GARRE1: variants seen among roughly 807,000 people sequenced by gnomAD.
The protein encoded by GARRE1 is granule associated Rac and RHOG effector 1.
A neutral mutation model predicts 103.2 loss-of-function variants in GARRE1; 49 were observed. That is an observed-to-expected ratio of 0.47 (90% CI 0.38 to 0.60). GARRE1 has a LOEUF of 0.60. Ranked by LOEUF, GARRE1 falls within the 20% of genes least tolerant of loss-of-function variation. The probability of loss-of-function intolerance (pLI) is 0.00; values close to 1 mark genes in which losing one functional copy is unlikely to be tolerated. For synonymous variants in GARRE1, 505 were observed against 532.8 expected (o/e 0.95, Z 0.72); for missense variants, 1,199 against 1,370.5 (o/e 0.87, Z 1.98).
At position 34,342,268 on chromosome 19, in the gene GARRE1, G is replaced by A; in HGVS notation, c.2334G>A (p.Trp778Ter). The change falls in exon 10 of 14, where the codon TGG becomes TGA. Residue 778 changes from tryptophan to a stop codon, truncating the protein, a stop_gained. Transcript: ENST00000299505. LOFTEE classifies it high-confidence loss of function. ...CAGGTCTGTCTCCTCTTGGTCAGTG[G>A]CCTGGCATATCTGATCTCAGTTCTG... is the stretch of plus-strand genomic sequence containing the variant. ...VGAGLSPLGQ[W>*]PGISDLSSDL... 6.2e-7 allele frequency: 1 copy of A among 1,614,228 alleles called. No individual in the cohort carries two copies. The highest frequency in any genetic ancestry group is 8.5e-7 in the Non-Finnish European group (1 of 1,180,040).
chr19:34,320,863 C>T (rs2074084246), intron 3 of GARRE1, among the ~76,000 whole-genome samples: 1 of 150,340 alleles, frequency 6.7e-6, no homozygotes, highest in South Asian at 2.1e-4. Flanking sequence ...GCTGGGACTA[C>T]AGGCTCATGC....
intron 1 of GARRE1, 38 bp downstream of exon 1, chr19:34,254,652 C>T (rs1288038152): frequency 4.0e-5 from 2 of 49,640 alleles, no homozygotes; most frequent in Non-Finnish European, 8.7e-5. Context: ...CGGGGGCTGG[C>T]GGGCGGGGTC....
At chr19:34,347,116 TCTCA>T (rs2074215015) in intron 10 of GARRE1, among the ~76,000 whole-genome samples, 1 of 146,886 alleles carries the variant, frequency 6.8e-6, no homozygotes. Context: ...TGAGACAGAG[TCTCA>T]CTCTTTCGCC....
At chr19:34,295,547 C>A (rs991148124) in intron 1 of GARRE1, among the ~76,000 whole-genome samples, 1 of 82,326 alleles carries the variant, frequency 1.2e-5, no homozygotes, top group Non-Finnish European at 2.8e-5. Flanking sequence ...GTTTTGTTTT[C>A]GAGACAGGGT....
chr19:34,285,967 T>C (rs2073883662), intron 1 of GARRE1, among the ~76,000 whole-genome samples: 1 of 152,192 alleles, frequency 6.6e-6, no homozygotes, highest in Non-Finnish European at 1.5e-5. Flanking sequence ...ACTTGAGCAG[T>C]CTTGTTAGAA....
At chr19:34,329,568 G>A (rs951240040) in intron 6 of GARRE1, among the ~76,000 whole-genome samples, 3 of 152,170 alleles carry the variant, frequency 2.0e-5, no homozygotes. Context: ...AGGCGTGGTG[G>A]CTCATGCCTG....
At chr19:34,286,031 T>G (rs1021062300) in intron 1 of GARRE1, among the ~76,000 whole-genome samples, 3 of 152,172 alleles carry the variant, frequency 2.0e-5, no homozygotes, top group Non-Finnish European at 4.4e-5. Flanking sequence ...AGCCCCTTGG[T>G]TCTCAGAAAA....
chr19:34,341,315 TGA>T, intron 9 of GARRE1, 105 bp from the exon 10 acceptor site: 3 of 896,322 alleles, frequency 3.3e-6, no homozygotes, highest in Non-Finnish European at 5.2e-6. Context: ...GATACCAACC[TGA>T]GAGGTTTTTC....
At chr19:34,266,622 G>A (rs1341559533) in intron 1 of GARRE1, among the ~76,000 whole-genome samples, 3 of 152,184 alleles carry the variant, frequency 2.0e-5, no homozygotes, top group African/African-American at 7.2e-5. Context: ...GGAATTACAG[G>A]TGTGAGCCAT....
chr19:34,327,522 G>A lies in GARRE1; in HGVS notation c.807G>A (p.Gln269=), dbSNP rs777832315. ...CSQSAAIPEH[Q]LKELNIKIDS... is the part of the protein sequence containing the mutation. ...AAAGTGCAGCAATTCCTGAGCACCAGCTAAAAGAACTGAACATAAAAATCG... is the reference window on the plus strand; with the variant it reads ...AAAGTGCAGCAATTCCTGAGCACCAACTAAAAGAACTGAACATAAAAATCG... The change falls in exon 4 of 14, where the codon CAG becomes CAA. Residue 269 remains glutamine, a synonymous_variant. Transcript: ENST00000299505. 1.6e-5 allele frequency: 26 copies of A among 1,613,916 alleles called. No homozygotes were observed. The Admixed American group carries it at 4.2e-4, about 26-fold the overall frequency.
At chr19:34,329,211 G>A (rs1160358289) in intron 6 of GARRE1, among the ~76,000 whole-genome samples, 1 of 152,312 alleles carries the variant, frequency 6.6e-6, no homozygotes, top group South Asian at 2.1e-4. Context: ...GAAAGTAGAA[G>A]AGCTGGAATT....
chr19:34,352,638 G>C lies in GARRE1; in HGVS notation c.2905-9G>C, dbSNP rs2074244801. 6.2e-6 allele frequency: 10 copies of C among 1,603,894 alleles called. No individual in the cohort carries two copies. The highest frequency in any genetic ancestry group is 8.5e-6 in the Non-Finnish European group (10 of 1,171,766). ...GAAATGCCACTAAGAACTCTCTTTT[G>C]TTTCTCAGGATAACAAAACCAAAAC... is the stretch of plus-strand genomic sequence containing the variant. On this transcript the variant is annotated splice_polypyrimidine_tract_variant and intron_variant, in intron 13 of 13. Transcript: ENST00000299505.
intron 10 of GARRE1, among the ~76,000 whole-genome samples, chr19:34,344,365 C>T (rs7259326): frequency 0.22 from 33,290 of 151,076 alleles, 3,977 homozygotes; most frequent in East Asian, 0.6. Flanking sequence ...CCGAGGCGGG[C>T]GGATCACGAG....
chr19:34,328,979 T>C lies in GARRE1; in HGVS notation c.1104+828T>C, dbSNP rs150987939. Among the ~76,000 whole-genome samples the C allele has an allele frequency of 3.7e-3, 570 of 152,336 alleles. 3 individuals are homozygous for C. Among genetic ancestry groups the C allele is most frequent in the African/African-American group, 0.013 (539 of 41,578 alleles). ...TTTGAAAGTACACTATAAGATATTGTTTATGATTAATGTCTCTCAGTGGAC... is the reference window on the plus strand; with the variant it reads ...TTTGAAAGTACACTATAAGATATTGCTTATGATTAATGTCTCTCAGTGGAC... On this transcript the variant is annotated intron_variant, in intron 6 of 13. Transcript: ENST00000299505.
At chr19:34,269,494 G>A (rs964948580) in intron 1 of GARRE1, among the ~76,000 whole-genome samples, 1 of 151,960 alleles carries the variant, frequency 6.6e-6, no homozygotes, top group Non-Finnish European at 1.5e-5. Flanking sequence ...CATGGGCTTC[G>A]GATTTTGTCA....
At chr19:34,293,921 G>C (rs1198465103) in intron 1 of GARRE1, among the ~76,000 whole-genome samples, 2 of 151,424 alleles carry the variant, frequency 1.3e-5, no homozygotes, top group Non-Finnish European at 2.9e-5. Context: ...ACTACACCTG[G>C]CTTATTTTTG....
chr19:34,298,309 G>A (rs2073957992), intron 1 of GARRE1, among the ~76,000 whole-genome samples: 1 of 151,880 alleles, frequency 6.6e-6, no homozygotes, highest in Non-Finnish European at 1.5e-5. Context: ...AGCTGCTCCG[G>A]AGACTGAGGC....
intron 12 of GARRE1, among the ~76,000 whole-genome samples, chr19:34,351,129 G>A (rs2074234156): frequency 6.6e-6 from 1 of 151,068 alleles, no homozygotes; most frequent in South Asian, 2.1e-4. Context: ...AACCTGGGAT[G>A]CAGAGTTTGC....
chr19:34,310,506 A>T (rs925653060), intron 2 of GARRE1, among the ~76,000 whole-genome samples: 1 of 152,188 alleles, frequency 6.6e-6, no homozygotes, highest in Non-Finnish European at 1.5e-5. Flanking sequence ...GGAAATCAGA[A>T]ATAGCGTGAT....
Sources: allele counts gnomAD v4.1 joint callset (sites outside exome capture counted in the v4.1 genomes callset), GRCh38; gene constraint gnomAD v4.1.1; transcripts MANE v1.5; gene names NCBI Gene and HGNC (gene_info 2026-07-23, HGNC 2026-07-21).